Variants in ZNF532 observed in about 807,000 individuals in gnomAD.
ZNF532 encodes zinc finger protein 532.
ZNF532 carries 22 observed loss-of-function variants against 89.3 expected under a neutral mutation model. The ratio of observed to expected loss-of-function variants is 0.25; its 90% CI spans 0.18 to 0.35. ZNF532 has a LOEUF of 0.35. ZNF532 is among the 10% of genes least tolerant of loss of function. The probability of loss-of-function intolerance (pLI) is 1.00; values close to 1 mark genes in which losing one functional copy is unlikely to be tolerated. For synonymous variants in ZNF532, 606 were observed against 649.6 expected (o/e 0.93, Z 1.02); for missense variants, 1,132 against 1,643.4 (o/e 0.69, Z 5.38).
At chr18:58,902,235 G>A (rs1353001462) in intron 2 of ZNF532, among the ~76,000 whole-genome samples, 1 of 152,148 alleles carries the variant, frequency 6.6e-6, no homozygotes, top group Admixed American at 6.5e-5. Flanking sequence ...GGGTTAGACG[G>A]GGGCGGTTAA....
In ZNF532 at chr18:58,982,628, C is replaced by G. The variant is rs867659552; in HGVS notation, c.3411+1011C>G. 5.3e-5 allele frequency among the ~76,000 whole-genome samples: 8 copies of G among 151,764 alleles called. No homozygotes were observed. In the East Asian group the frequency reaches 7.8e-4, roughly 15 times the overall value. On this transcript the variant is annotated intron_variant, in intron 9 of 9. Transcript: ENST00000591808. Reference sequence around the variant, plus strand: ...TAGAACGAGACTCTGTCTCCACCCCCCCAAAAAAAGTTAGCAGATACTTAA... The same window carrying G: ...TAGAACGAGACTCTGTCTCCACCCCGCCAAAAAAAGTTAGCAGATACTTAA...
At chr18:58,982,864 C>T (rs779501258) in intron 9 of ZNF532, among the ~76,000 whole-genome samples, 1 of 152,134 alleles carries the variant, frequency 6.6e-6, no homozygotes, top group Non-Finnish European at 1.5e-5. Flanking sequence ...CCTGTAATCC[C>T]AGCACTTTGG....
intron 2 of ZNF532, among the ~76,000 whole-genome samples, chr18:58,887,814 G>T: frequency 6.6e-6 from 1 of 152,100 alleles, no homozygotes. Context: ...GGCGAGCTGC[G>T]GTCAGTGCCA....
intron 2 of ZNF532, among the ~76,000 whole-genome samples, chr18:58,895,327 G>A (rs890469509): frequency 6.6e-6 from 1 of 152,212 alleles, no homozygotes; most frequent in Non-Finnish European, 1.5e-5. Flanking sequence ...CCCAGATGCT[G>A]TTAGGGAAAA....
At chr18:58,913,645 C>T (rs890885447) in intron 2 of ZNF532, among the ~76,000 whole-genome samples, 5 of 151,248 alleles carry the variant, frequency 3.3e-5, no homozygotes, top group East Asian at 1.9e-4. Flanking sequence ...AAAAATTCAG[C>T]GGAATAAAAA....
In ZNF532 at chr18:58,919,340, C is replaced by G; in HGVS notation, c.1053C>G (p.Pro351=). 6.2e-7 allele frequency: 1 copy of G among 1,614,190 alleles called. No homozygotes were observed. Residue 351 remains proline (P), a synonymous_variant, in exon 3 of 10, where the codon CCC becomes CCG. Transcript: ENST00000591808. This position sits in a 1 kb window ranked among gnomAD's most constrained non-coding sequence, Gnocchi z 6.1. ...ENSSKGSPSS[P]AGSTPAIPKV... is the part of the protein sequence containing the mutation. ...GCAGCAAAGGATCCCCGTCCTCTCC[C>G]GCAGGGTCCACACCAGCAATCCCCA... is the stretch of plus-strand genomic sequence containing the variant.
At chr18:58,863,252 A>C (rs1022682868), upstream of ZNF532, 1 of 149,596 alleles carries the variant, frequency 6.7e-6, no homozygotes, top group Non-Finnish European at 1.5e-5. Flanking sequence ...GCGCCCCCTC[A>C]CCAGCCCCAC....
chr18:58,918,105 C>T (rs1030714844), intron 2 of ZNF532, among the ~76,000 whole-genome samples, 166 bp from the exon 3 acceptor site: 23 of 152,138 alleles, frequency 1.5e-4, no homozygotes, highest in African/African-American at 5.6e-4. Flanking sequence ...CATGTATTTT[C>T]TCGATGTTTG....
chr18:58,904,838 CTT>C (rs532227361), intron 2 of ZNF532, among the ~76,000 whole-genome samples: 39 of 135,066 alleles, frequency 2.9e-4, no homozygotes, highest in Admixed American at 4.5e-4. Context: ...CTATTTCTTT[CTT>C]TTTTTTTTTT....
chr18:58,881,018 CAT>C (rs1339502781), intron 2 of ZNF532, among the ~76,000 whole-genome samples: 1 of 152,020 alleles, frequency 6.6e-6, no homozygotes, highest in African/African-American at 2.4e-5. Flanking sequence ...TGAGCTATAA[CAT>C]ATTTGGTTAC....
chr18:58,870,824 TGG>T (rs1163968642), intron 2 of ZNF532, among the ~76,000 whole-genome samples: 1 of 152,066 alleles, frequency 6.6e-6, no homozygotes, highest in African/African-American at 2.4e-5. Flanking sequence ...GCTTGGAGAC[TGG>T]GTGTTCTGTC....
chr18:58,971,229 C>T (rs372303153), intron 7 of ZNF532, among the ~76,000 whole-genome samples: 3 of 152,042 alleles, frequency 2.0e-5, no homozygotes, highest in Admixed American at 1.3e-4. Context: ...AATCTAGGCA[C>T]GTGACAGTGA....
rs1408415404 is a variant in ZNF532 at position 58,985,204 on chromosome 18, G to T, written c.*738G>T. 2.0e-5 allele frequency: 3 copies of T among 152,310 alleles called. No homozygotes were observed. The East Asian group carries it at 5.8e-4, about 29-fold the overall frequency. The allele number at this position is 152,310 out of a possible 1,614,324, so 9.4% of individuals were successfully genotyped here. Reference sequence around the variant, plus strand: ...AAGGCTATTCTAAAGAAAAAAATGGGATTTGTTTTCTCGGCAGATCTGCAA... The same window carrying T: ...AAGGCTATTCTAAAGAAAAAAATGGTATTTGTTTTCTCGGCAGATCTGCAA... On this transcript the variant is annotated 3_prime_UTR_variant, in exon 10 of 10. Coordinates refer to ENST00000591808, the MANE Select transcript of ZNF532 (RefSeq NM_001375912.1).
chr18:58,871,652 C>T lies in ZNF532; in HGVS notation c.-18+6073C>T, dbSNP rs562873468. ...AGGTGCTAAACAGCAAAGACACTGG[C>T]GCCGTTCACGTTGGAGGTGATAGCT... On this transcript the variant is annotated intron_variant, in intron 2 of 9. Coordinates refer to ENST00000591808, the MANE Select transcript of ZNF532 (RefSeq NM_001375912.1). Among the ~76,000 whole-genome samples the T allele has an allele frequency of 2.9e-4, 44 of 152,292 alleles. No individual in the cohort carries two copies. The South Asian group carries it at 8.3e-3, about 29-fold the overall frequency.
At chr18:58,931,113 C>G (rs966995298) in intron 3 of ZNF532, among the ~76,000 whole-genome samples, 1 of 151,996 alleles carries the variant, frequency 6.6e-6, no homozygotes, top group Non-Finnish European at 1.5e-5. Context: ...ACCTAAGTAC[C>G]GAAAACATTT....
rs529571595 is a variant in ZNF532 at position 58,937,536 on chromosome 18, T to G, written c.2529-1909T>G. ...CATTAAACCTTCCTCTCACTCCAAGTGACTTTAGGTAATTATTGCTTTTCT... is the reference window on the plus strand; with the variant it reads ...CATTAAACCTTCCTCTCACTCCAAGGGACTTTAGGTAATTATTGCTTTTCT... On this transcript the variant is annotated intron_variant, in intron 4 of 9. Transcript: ENST00000591808. Among the ~76,000 whole-genome samples the G allele has an allele frequency of 5.6e-4, 86 of 152,336 alleles. 1 individual carries two copies. Among genetic ancestry groups the G allele is most frequent in the South Asian group, 3.5e-3 (17 of 4,828 alleles).
At chr18:58,893,961 T>C (rs984756522) in intron 2 of ZNF532, among the ~76,000 whole-genome samples, 2 of 152,120 alleles carry the variant, frequency 1.3e-5, no homozygotes. Context: ...TTACTGTCTG[T>C]GGTAGTGAGA....
chr18:58,979,216 C>G, intron 8 of ZNF532, 49 bp downstream of exon 8: 1 of 1,499,878 alleles, frequency 6.7e-7, no homozygotes, highest in Non-Finnish European at 9.2e-7. Context: ...CAGGAGGAAC[C>G]TCTGGAAGGT....
At chr18:58,962,525 G>A (rs1189975973) in intron 7 of ZNF532, among the ~76,000 whole-genome samples, 7 of 152,102 alleles carry the variant, frequency 4.6e-5, no homozygotes, top group Non-Finnish European at 5.9e-5. Context: ...AGAATCACCC[G>A]GAGAGCCTAC....
Sources: allele counts gnomAD v4.1 joint callset (sites outside exome capture counted in the v4.1 genomes callset), GRCh38; gene constraint gnomAD v4.1.1; non-coding constraint Gnocchi (gnomAD v3.1); transcripts MANE v1.5; gene names NCBI Gene and HGNC (gene_info 2026-07-23, HGNC 2026-07-21).